GSTM3: variants seen among roughly 807,000 people sequenced by gnomAD.
GSTM3 encodes GST class-mu 3.
A neutral mutation model predicts 36.1 loss-of-function variants in GSTM3; 34 were observed. The ratio of observed to expected loss-of-function variants is 0.94; its 90% CI spans 0.72 to 1.25. The LOEUF (loss-of-function observed/expected upper bound fraction) is 1.25. Ranked by LOEUF, GSTM3 falls within the 50% of genes most tolerant of loss-of-function variation. GSTM3 has a pLI of 0.00. For synonymous variants in GSTM3, 102 were observed against 99.5 expected (o/e 1.03, Z -0.15); for missense variants, 266 against 281.6 (o/e 0.94, Z 0.40).
chr1:109,739,957 AC>A (rs1243088698), intron 2 of GSTM3, 49 bp from the exon 3 acceptor site: 6 of 1,385,930 alleles, frequency 4.3e-6, no homozygotes, highest in South Asian at 2.5e-5. Context: ...CCCATTCCCA[AC>A]CCCCGCCCGC....
At position 109,736,813 on chromosome 1, in the gene GSTM3, A is replaced by C. The variant is rs1649212174; in HGVS notation, c.*258T>G. On this transcript the variant is annotated 3_prime_UTR_variant, in exon 9 of 9. Transcript: ENST00000361066. ...ACTGTGCAATCTCGTTTTTTCTAGTACCCACTCTCAGGGCTTGGGCATGAA... is the reference window on the plus strand; with the variant it reads ...ACTGTGCAATCTCGTTTTTTCTAGTCCCCACTCTCAGGGCTTGGGCATGAA... 2.3e-6 allele frequency: 1 copy of C among 428,850 alleles called. No individual in the cohort carries two copies. The highest frequency in any genetic ancestry group is 4.2e-6 in the Non-Finnish European group (1 of 236,688). The allele number at this position is 428,850 out of a possible 1,614,324, so 26.6% of individuals were successfully genotyped here. A position where few individuals can be genotyped will look rare whatever the true frequency, so the allele number is the denominator to read the frequency against.
Position 109,740,294 on chromosome 1 carries a change from G to C in GSTM3, c.-7C>G, listed in dbSNP as rs56153395. 1.9e-6 allele frequency: 3 copies of C among 1,612,546 alleles called. No homozygotes were observed. The highest frequency in any genetic ancestry group is 1.7e-5 in the Admixed American group (1 of 59,920). On this transcript the variant is annotated 5_prime_UTR_variant, in exon 2 of 9. Coordinates refer to ENST00000361066, the MANE Select transcript of GSTM3 (RefSeq NM_000849.5). ...TAGACGACTCGCACGACATGGTGAC[G>C]GGCTTCCGAGCCTTCGAGGACTAGG...
At chr1:109,740,587 G>T in intron 1 of GSTM3, 76 bp from the exon 2 acceptor site, 2 of 446,062 alleles carry the variant, frequency 4.5e-6, no homozygotes, top group South Asian at 5.4e-5. Flanking sequence ...ATTCATTAAT[G>T]GTGCCAGTGA....
chr1:109,739,252 T>G (rs1348502372), intron 4 of GSTM3, among the ~76,000 whole-genome samples, 177 bp downstream of exon 4: 2 of 152,230 alleles, frequency 1.3e-5, no homozygotes, highest in African/African-American at 4.8e-5. Context: ...CTTTTGCTAG[T>G]GGTTAATGGG....
chr1:109,736,506 T>C lies in GSTM3; in HGVS notation c.*565A>G, dbSNP rs1649204570. ...AAAAATTCTTACATTTTCATCAATA[T>C]TTCAACAGCTTTGTGTTTAATGTTG... On this transcript the variant is annotated 3_prime_UTR_variant, in exon 9 of 9. Coordinates refer to ENST00000361066, the MANE Select transcript of GSTM3 (RefSeq NM_000849.5). 6.6e-6 allele frequency: 1 copy of C among 152,252 alleles called. No individual in the cohort carries two copies. Among genetic ancestry groups the C allele is most frequent in the African/African-American group, 2.4e-5 (1 of 41,462 alleles). 9.4% of individuals were successfully genotyped at this position (152,252 alleles called of 1,614,324 possible).
Position 109,738,270 on chromosome 1 carries a change from C to T in GSTM3, c.271+15G>A, listed in dbSNP as rs898298583. The T allele has an allele frequency of 6.2e-7, 1 of 1,608,616 alleles. No homozygotes were observed. Among genetic ancestry groups the T allele is most frequent in the African/African-American group, 1.3e-5 (1 of 74,832 alleles). Reference sequence around the variant, plus strand: ...CTACCAGCCTGGGGTCCCTCACCAGCCCTACCCCACTCACACATGTTGTGC... The same window carrying T: ...CTACCAGCCTGGGGTCCCTCACCAGTCCTACCCCACTCACACATGTTGTGC... On this transcript the variant is annotated intron_variant, in intron 5 of 8. Coordinates refer to ENST00000361066, the MANE Select transcript of GSTM3 (RefSeq NM_000849.5).
Position 109,736,186 on chromosome 1 carries a change from C to T in GSTM3, c.*885G>A, listed in dbSNP as rs1649194269. ...CTTTTAGACATTTTTGGCTATATTT[C>T]TATTTTATAAATTGTTCATGGATTT... On this transcript the variant is annotated 3_prime_UTR_variant, in exon 9 of 9. Coordinates refer to ENST00000361066, the MANE Select transcript of GSTM3 (RefSeq NM_000849.5). The T allele has an allele frequency of 6.6e-6, 1 of 152,140 alleles. No individual in the cohort carries two copies. Among genetic ancestry groups the T allele is most frequent in the Admixed American group, 6.5e-5 (1 of 15,282 alleles). The allele number at this position is 152,140 out of a possible 1,614,324, so 9.4% of individuals were successfully genotyped here.
At chr1:109,739,396 CT>C in intron 4 of GSTM3, 32 bp downstream of exon 4, 1 of 1,526,412 alleles carries the variant, frequency 6.6e-7, no homozygotes, top group East Asian at 2.3e-5. Context: ...AAGGCTTTCC[CT>C]TCTGCCCGCC....
At position 109,740,243 on chromosome 1, in the gene GSTM3, A is replaced by G; in HGVS notation, c.45T>C (p.Arg15=). The G allele has an allele frequency of 1.2e-6, 2 of 1,613,226 alleles. No homozygotes were observed. Among genetic ancestry groups the G allele is most frequent in the Middle Eastern group, 1.6e-4 (1 of 6,062 alleles). The change falls in exon 2 of 9, where the codon CGT becomes CGC. Residue 15 remains arginine (R), a synonymous_variant. Coordinates refer to ENST00000361066, the MANE Select transcript of GSTM3 (RefSeq NM_000849.5). ...SSMVLGYWDI[R]GLAHAIRLLL... is the part of the protein sequence containing the mutation. ...CTACCGTTGAGACGGCACTCACCCC[A>G]CGAATATCCCAGTACCCGAGAACCA...
rs1310259255 is a variant in GSTM3 at position 109,736,024 on chromosome 1, A to G, written c.*1047T>C. The G allele has an allele frequency of 6.6e-6, 1 of 152,216 alleles. No individual in the cohort carries two copies. The highest frequency in any genetic ancestry group is 1.5e-5 in the Non-Finnish European group (1 of 68,044). 9.4% of individuals were successfully genotyped at this position (152,216 alleles called of 1,614,324 possible). On this transcript the variant is annotated 3_prime_UTR_variant, in exon 9 of 9. Coordinates refer to ENST00000361066, the MANE Select transcript of GSTM3 (RefSeq NM_000849.5). ...AATTGTCCTCCAAAGTAGCTATACT[A>G]ATTTACAACTTGACCAGCAGGAAAT...
intron 4 of GSTM3, among the ~76,000 whole-genome samples, chr1:109,739,158 C>T (rs1253915133): frequency 6.6e-6 from 1 of 152,094 alleles, no homozygotes; most frequent in East Asian, 1.9e-4. Flanking sequence ...AAAGAAAATA[C>T]CTGATTTCTA....
chr1:109,738,921 G>T (rs1649288288), intron 4 of GSTM3, among the ~76,000 whole-genome samples: 2 of 152,254 alleles, frequency 1.3e-5, no homozygotes, highest in South Asian at 4.1e-4. Flanking sequence ...AGAAGTTCAG[G>T]ATCAGCCTGG....
At position 109,735,308 on chromosome 1, in the gene GSTM3, TG is replaced by T. The variant is rs1379037847; in HGVS notation, c.*1762del. 6.6e-6 allele frequency: 1 copy of T among 152,218 alleles called. No individual in the cohort carries two copies. The highest frequency in any genetic ancestry group is 1.9e-4 in the East Asian group (1 of 5,178). 9.4% of individuals were successfully genotyped at this position (152,218 alleles called of 1,614,324 possible). On this transcript the variant is annotated 3_prime_UTR_variant, in exon 9 of 9. Transcript: ENST00000361066. Reference sequence around the variant, plus strand: ...CTCCCACCTCAGCCTCCTGGGTAGCTGGGACTATGCATGAGCAATTGCGCAC... The same window carrying T: ...CTCCCACCTCAGCCTCCTGGGTAGCTGGACTATGCATGAGCAATTGCGCAC...
At position 109,740,525 on chromosome 1, in the gene GSTM3, A is replaced by C. The variant is rs1649351363; in HGVS notation, c.-224-14T>G. The C allele has an allele frequency of 1.8e-6, 1 of 557,324 alleles. No individual in the cohort carries two copies. The highest frequency in any genetic ancestry group is 2.0e-5 in the African/African-American group (1 of 50,320). 34.5% of individuals were successfully genotyped at this position (557,324 alleles called of 1,614,324 possible). On this transcript the variant is annotated splice_polypyrimidine_tract_variant and intron_variant, in intron 1 of 8. Coordinates refer to ENST00000361066, the MANE Select transcript of GSTM3 (RefSeq NM_000849.5). ...CGGGCAGGAGTGCTGCAGGAGAGCA[A>C]AGGACCCGAGGTTGAGGCTCCTCCC... is the stretch of plus-strand genomic sequence containing the variant.
intron 4 of GSTM3, among the ~76,000 whole-genome samples, chr1:109,738,683 CAT>C (rs1387796269): frequency 3.3e-5 from 5 of 152,176 alleles, no homozygotes; most frequent in Admixed American, 2.0e-4. Flanking sequence ...ATAAGAGTAA[CAT>C]GTGCCTATTA....
chr1:109,734,020 C>G lies in GSTM3; in HGVS notation c.*3051G>C, dbSNP rs966364522. The G allele has an allele frequency of 6.6e-6, 1 of 152,176 alleles. No individual in the cohort carries two copies. The highest frequency in any genetic ancestry group is 1.5e-5 in the Non-Finnish European group (1 of 68,032). The allele number at this position is 152,176 out of a possible 1,614,324, so 9.4% of individuals were successfully genotyped here. A position where few individuals can be genotyped will look rare whatever the true frequency, so the allele number is the denominator to read the frequency against. The stretch of plus-strand genomic sequence containing the variant: ...TCTTGAAAGCAGGTTGCCAGTAAGG[C>G]GTCTGTGTTCTGTGTCTTTTATGTG... On this transcript the variant is annotated 3_prime_UTR_variant, in exon 9 of 9. Transcript: ENST00000361066.
chr1:109,739,598 G>A, intron 3 of GSTM3, 105 bp from the exon 4 acceptor site: 1 of 857,200 alleles, frequency 1.2e-6, no homozygotes, highest in Non-Finnish European at 1.9e-6. Flanking sequence ...AAATTCCCAG[G>A]CCCCAAAAGC....
At chr1:109,737,594 G>C (rs1649241634) in intron 7 of GSTM3, 27 bp from the exon 8 acceptor site, 2 of 1,540,546 alleles carry the variant, frequency 1.3e-6, no homozygotes, top group South Asian at 2.2e-5. Flanking sequence ...AAGATGCTTA[G>C]GTCTGAGGAG....
intron 2 of GSTM3, 98 bp from the exon 3 acceptor site, chr1:109,740,006 C>A: frequency 9.3e-7 from 1 of 1,076,264 alleles, no homozygotes. Flanking sequence ...GTCCCTGCGT[C>A]CTGCCGGGGC....
Sources: gnomAD v4.1 joint callset for allele counts (sites outside exome capture counted in the v4.1 genomes callset) on GRCh38, gnomAD v4.1.1 for gene constraint, MANE v1.5 for transcripts, NCBI Gene and HGNC (gene_info 2026-07-23, HGNC 2026-07-21) for gene names.